The following PRELID3A variants were observed in gnomAD, a reference collection of about 807,000 sequenced individuals.
PRELID3A encodes PRELI domain containing protein 3A.
PRELID3A carries 27 observed loss-of-function variants against 23.0 expected under a neutral mutation model. The observed-to-expected ratio is 1.17, with a 90% CI of 0.87 to 1.62. The LOEUF is 1.62. Ranked by LOEUF, PRELID3A falls within the 40% of genes most tolerant of loss-of-function variation. The pLI is 0.00. For missense variants in PRELID3A, 231 were observed against 231.4 expected (o/e 1.00, Z 0.01); for synonymous variants, 87 against 86.4 (o/e 1.01, Z -0.04).
At position 12,426,563 on chromosome 18, in the gene PRELID3A, A is replaced by AAAAAAAAAAAAAAAAAAAAG. The variant is rs67993774; in HGVS notation, c.292-475_292-474insAAAAAAAAAAAAAAAAGAAA. Among the ~76,000 whole-genome samples, 412 of 87,666 alleles carry AAAAAAAAAAAAAAAAAAAAG rather than the reference A, an allele frequency of 4.7e-3. 41 individuals carry two copies. Among genetic ancestry groups the AAAAAAAAAAAAAAAAAAAAG allele is most frequent in the East Asian group, 0.016 (41 of 2,492 alleles). The allele number at this position is 87,666 out of a possible 152,430, so 57.5% of individuals were successfully genotyped here. ...AGTGAGACTCCATCTCAAAAAAAAA[A>AAAAAAAAAAAAAAAAAAAAG]AAAGTATAAATATGTACATAAGGAG... is the stretch of plus-strand genomic sequence containing the variant. On this transcript the variant is annotated intron_variant, in intron 3 of 6. Transcript: ENST00000440960.
chr18:12,425,097 C>A (rs562830126), intron 3 of PRELID3A, among the ~76,000 whole-genome samples: 2 of 151,050 alleles, frequency 1.3e-5, no homozygotes, highest in African/African-American at 2.4e-5. Context: ...GAGCTGAGAT[C>A]GCGCCATTGC....
chr18:12,420,541 T>TCCCGCC, intron 2 of PRELID3A, 48 bp downstream of exon 2: 1 of 1,433,710 alleles, frequency 7.0e-7, no homozygotes, highest in East Asian at 2.7e-5. Flanking sequence ...ACTCCCCCAC[T>TCCCGCC]CCCGCCCCCG....
chr18:12,429,143 G>A (rs2030475889), intron 5 of PRELID3A, among the ~76,000 whole-genome samples: 1 of 152,194 alleles, frequency 6.6e-6, no homozygotes, highest in Non-Finnish European at 1.5e-5. Flanking sequence ...TGCTAACACA[G>A]CAGTGACTCT....
In PRELID3A at chr18:12,429,308, G is replaced by A. The variant is rs775954099; in HGVS notation, c.466-42G>A. On this transcript the variant is annotated intron_variant, in intron 5 of 6. Coordinates refer to ENST00000440960, the MANE Select transcript of PRELID3A (RefSeq NM_001142405.2). ...TGTCGCTTGCTGTCTGCAGCGGGAGGCGGGACGACCCACTCAGTGCTGAAA... is the reference window on the plus strand; with the variant it reads ...TGTCGCTTGCTGTCTGCAGCGGGAGACGGGACGACCCACTCAGTGCTGAAA... The A allele has an allele frequency of 7.4e-5, 117 of 1,587,350 alleles. 2 individuals are homozygous for A. The highest frequency in any genetic ancestry group is 5.5e-4 in the South Asian group (50 of 90,480).
chr18:12,428,625 A>G (rs183360580), intron 5 of PRELID3A, among the ~76,000 whole-genome samples: 4 of 152,296 alleles, frequency 2.6e-5, no homozygotes, highest in African/African-American at 7.2e-5. Flanking sequence ...ATTCTGTAGA[A>G]TCCAGATTTG....
chr18:12,420,236 G>T (rs923347634), intron 1 of PRELID3A, 89 bp from the exon 2 acceptor site: 3 of 1,492,144 alleles, frequency 2.0e-6, no homozygotes, highest in African/African-American at 2.8e-5. Context: ...CTAGCGCGTT[G>T]CCCAGGCCTG....
chr18:12,430,503 GGT>G (rs1475229460), intron 6 of PRELID3A, among the ~76,000 whole-genome samples: 2 of 99,026 alleles, frequency 2.0e-5, no homozygotes, highest in Non-Finnish European at 3.9e-5. Context: ...TGTGTATGCT[GGT>G]GTGTGATGTG....
chr18:12,429,330 GA>G lies in PRELID3A; in HGVS notation c.466-17del, dbSNP rs1037222640. On this transcript the variant is annotated intron_variant, in intron 5 of 6. Transcript: ENST00000440960. ...GAGGCGGGACGACCCACTCAGTGCT[GA>G]AATCTTTCTGTGTTGCAGGGGTGGG... 9 of 1,612,936 alleles carry G rather than the reference GA, an allele frequency of 5.6e-6. No individual in the cohort carries two copies. The highest frequency in any genetic ancestry group is 1.3e-5 in the African/African-American group (1 of 74,894).
At chr18:12,428,995 G>A (rs2030466667) in intron 5 of PRELID3A, among the ~76,000 whole-genome samples, 1 of 152,200 alleles carries the variant, frequency 6.6e-6, no homozygotes, top group South Asian at 2.1e-4. Context: ...GCGGCCTGAG[G>A]GCAGGTGCAG....
intron 1 of PRELID3A, among the ~76,000 whole-genome samples, chr18:12,413,178 A>G (rs527561940): frequency 6.6e-6 from 1 of 152,348 alleles, no homozygotes; most frequent in African/African-American, 2.4e-5. Flanking sequence ...CTGAAACTAT[A>G]ATGAATAGAG....
At chr18:12,422,646 C>T (rs914260494) in intron 3 of PRELID3A, among the ~76,000 whole-genome samples, 4 of 152,064 alleles carry the variant, frequency 2.6e-5, no homozygotes, top group Admixed American at 6.6e-5. Flanking sequence ...TGTGAGCCAC[C>T]GCACCTGGCC....
Position 12,407,984 on chromosome 18 carries a change from C to T in PRELID3A, c.9C>T (p.Ile3=). The stretch of plus-strand genomic sequence containing the variant: ...GCCCTGCGCCGGCGGCAATGAAGAT[C>T]TGGAGCTCGGAGCACGTGTTTGGGT... MK[I]WSSEHVFGHP... is the part of the protein sequence containing the mutation. Residue 3 remains isoleucine, a synonymous_variant, in exon 1 of 7, where the codon ATC becomes ATT. Transcript: ENST00000440960. 8 of 1,299,752 alleles carry T rather than the reference C, an allele frequency of 6.2e-6. No homozygotes were observed. Among genetic ancestry groups the T allele is most frequent in the Non-Finnish European group, 7.8e-6 (8 of 1,024,802 alleles). The allele number at this position is 1,299,752 out of a possible 1,614,324, so 80.5% of individuals were successfully genotyped here.
chr18:12,421,574 G>A lies in PRELID3A; in HGVS notation c.236G>A (p.Arg79Gln), dbSNP rs8090913. ...ACCAGTAGGACATTGACATACATCCGAGAACATTCTGTGGTGGATCCAGTG... is the reference window on the plus strand; with the variant it reads ...ACCAGTAGGACATTGACATACATCCAAGAACATTCTGTGGTGGATCCAGTG... ...LGTSRTLTYI[R>Q]EHSVVDPVEK... The change falls in exon 3 of 7, where the codon CGA becomes CAA. Residue 79 changes from arginine to glutamine, a missense_variant. Arg to Gln is a conservative substitution (Grantham distance 43). Coordinates refer to ENST00000440960, the MANE Select transcript of PRELID3A (RefSeq NM_001142405.2). The A allele has an allele frequency of 2.5e-6, 4 of 1,613,690 alleles. No homozygotes were observed. Among genetic ancestry groups the A allele is most frequent in the Non-Finnish European group, 2.5e-6 (3 of 1,179,790 alleles).
intron 1 of PRELID3A, among the ~76,000 whole-genome samples, chr18:12,408,450 G>T (rs189051911): frequency 8.5e-5 from 13 of 152,290 alleles, no homozygotes; most frequent in African/African-American, 3.1e-4. Context: ...TAAACCTTCC[G>T]CGCGTTTCAC....
intron 1 of PRELID3A, 121 bp downstream of exon 1, chr18:12,408,128 C>A (rs1443375731): frequency 6.5e-6 from 6 of 922,324 alleles, no homozygotes; most frequent in Non-Finnish European, 8.5e-6. Flanking sequence ...ATCCCCGCCC[C>A]GCGCCGGCCG....
At chr18:12,421,092 C>T (rs2030166158) in intron 2 of PRELID3A, among the ~76,000 whole-genome samples, 1 of 152,296 alleles carries the variant, frequency 6.6e-6, no homozygotes, top group African/African-American at 2.4e-5. Context: ...CCAACCCGGC[C>T]CCTGGATCTC....
chr18:12,426,424 G>A (rs1396195007), intron 3 of PRELID3A, among the ~76,000 whole-genome samples: 2 of 149,736 alleles, frequency 1.3e-5, no homozygotes, highest in African/African-American at 2.5e-5. Context: ...CATGGTGGCA[G>A]GTGCCTGTAG....
chr18:12,410,467 T>G (rs1400698153), intron 1 of PRELID3A, among the ~76,000 whole-genome samples: 2 of 152,184 alleles, frequency 1.3e-5, no homozygotes, highest in Non-Finnish European at 2.9e-5. Context: ...TTATGAATGA[T>G]GTGGTACCAT....
At chr18:12,408,439 A>G (rs1203513822) in intron 1 of PRELID3A, among the ~76,000 whole-genome samples, 1 of 152,106 alleles carries the variant, frequency 6.6e-6, no homozygotes. Context: ...TGAGATTGTC[A>G]TAAACCTTCC....
Sources: allele counts gnomAD v4.1 joint callset (sites outside exome capture counted in the v4.1 genomes callset), GRCh38; gene constraint gnomAD v4.1.1; transcripts MANE v1.5; gene names NCBI Gene and HGNC (gene_info 2026-07-23, HGNC 2026-07-21).